Variants in SOBP observed in about 807,000 individuals in gnomAD.
SOBP encodes the protein sine oculis binding protein homolog, also known as sine oculis-binding protein homolog.
A neutral mutation model predicts 53.6 loss-of-function variants in SOBP; 4 were observed. That is an observed-to-expected ratio of 0.07 (90% CI 0.04 to 0.17). The LOEUF (loss-of-function observed/expected upper bound fraction) is 0.17. Ranked by LOEUF, SOBP falls within the 10% of genes least tolerant of loss-of-function variation. The pLI is 1.00. For synonymous variants in SOBP, 584 were observed against 522.6 expected (o/e 1.12, Z -1.60); for missense variants, 1,088 against 1,204.7 (o/e 0.90, Z 1.43).
At chr6:107,543,761 G>A (rs977627804) in intron 4 of SOBP, among the ~76,000 whole-genome samples, 3 of 152,192 alleles carry the variant, frequency 2.0e-5, no homozygotes, top group Non-Finnish European at 4.4e-5. Flanking sequence ...AATCCAAAGT[G>A]GATTGAAAGA....
Position 107,490,563 on chromosome 6 carries a change from A to C in SOBP, c.-54A>C, listed in dbSNP as rs918583334. 1 of 1,344,170 alleles carries C rather than the reference A, an allele frequency of 7.4e-7. No homozygotes were observed. The highest frequency in any genetic ancestry group is 1.0e-6 in the Non-Finnish European group (1 of 965,794). The allele number at this position is 1,344,170 out of a possible 1,614,324, so 83.3% of individuals were successfully genotyped here. On this transcript the variant is annotated 5_prime_UTR_variant, in exon 1 of 7. Coordinates refer to ENST00000317357, the MANE Select transcript of SOBP (RefSeq NM_018013.4). ...CACCGCCGCCGCCGCCGCCACCACC[A>C]CCGCCGGCGGCGGCAGCAGCCATTT...
At chr6:107,566,824 T>C (rs1351586548) in intron 4 of SOBP, among the ~76,000 whole-genome samples, 1 of 152,242 alleles carries the variant, frequency 6.6e-6, no homozygotes, top group Non-Finnish European at 1.5e-5. Flanking sequence ...GTACATCTTC[T>C]TGCAACAGGG....
intron 4 of SOBP, among the ~76,000 whole-genome samples, chr6:107,582,575 C>T (rs1201569308): frequency 6.6e-6 from 1 of 151,600 alleles, no homozygotes; most frequent in Non-Finnish European, 1.5e-5. Context: ...AAAGAAATTT[C>T]CTTAGAATAA....
chr6:107,520,954 A>G (rs1235072939), intron 3 of SOBP, among the ~76,000 whole-genome samples: 3 of 151,690 alleles, frequency 2.0e-5, no homozygotes, highest in African/African-American at 7.3e-5. Flanking sequence ...TCTAAAGCAC[A>G]GCATTGTTAA....
At chr6:107,506,151 A>T in intron 2 of SOBP, 91 bp from the exon 3 acceptor site, 2 of 1,081,996 alleles carry the variant, frequency 1.8e-6, no homozygotes, top group South Asian at 1.3e-5. Flanking sequence ...TGTTGGGTTC[A>T]TGGCCATTTT....
chr6:107,598,905 G>A (rs1786045817), intron 5 of SOBP, among the ~76,000 whole-genome samples: 1 of 152,190 alleles, frequency 6.6e-6, no homozygotes, highest in African/African-American at 2.4e-5. Flanking sequence ...GTCTTAAGTA[G>A]CTAGTTGTGT....
intron 5 of SOBP, chr6:107,621,171 G>A: frequency 1.3e-6 from 1 of 787,792 alleles, no homozygotes; most frequent in Non-Finnish European, 1.5e-6. Context: ...ATAAATAACA[G>A]GTGTGTTTAA....
chr6:107,549,759 C>A (rs1046670817), intron 4 of SOBP, among the ~76,000 whole-genome samples: 11 of 152,172 alleles, frequency 7.2e-5, no homozygotes, highest in African/African-American at 2.7e-4. Flanking sequence ...AATATTTGAT[C>A]AGGGGCAAGT....
Position 107,633,397 on chromosome 6 carries a change from G to C in SOBP, c.670-117G>C, listed in dbSNP as rs1037749560. On this transcript the variant is annotated intron_variant, in intron 5 of 6. Transcript: ENST00000317357. ...TTACCTTTTAGAAGGAAACAGTTCT[G>C]CCTGTTTGAGAAGTGCTGGTAAAGT... 7 of 1,258,774 alleles carry C rather than the reference G, an allele frequency of 5.6e-6. No homozygotes were observed. The African/African-American group carries it at 8.8e-5, about 16-fold the overall frequency. 78.0% of individuals were successfully genotyped at this position (1,258,774 alleles called of 1,614,324 possible). A position where few individuals can be genotyped will look rare whatever the true frequency, so the allele number is the denominator to read the frequency against.
At chr6:107,522,222 G>A (rs1167928033) in intron 3 of SOBP, among the ~76,000 whole-genome samples, 1 of 152,154 alleles carries the variant, frequency 6.6e-6, no homozygotes, top group Non-Finnish European at 1.5e-5. Flanking sequence ...CCTGGTCTTA[G>A]GAGCCATGGA....
intron 6 of SOBP, among the ~76,000 whole-genome samples, chr6:107,642,684 C>T: frequency 6.6e-6 from 1 of 152,216 alleles, no homozygotes; most frequent in East Asian, 1.9e-4. Context: ...GCTGCACCAG[C>T]ACTAGTTGTC....
rs964727466 is a variant in SOBP, at chr6:107,520,124, C to G, written c.422-13335C>G. Among the ~76,000 whole-genome samples, 45 of 152,156 alleles carry G rather than the reference C, an allele frequency of 3.0e-4. 1 individual carries two copies. Among genetic ancestry groups the G allele is most frequent in the Admixed American group, 1.3e-4 (2 of 15,270 alleles). On this transcript the variant is annotated intron_variant, in intron 3 of 6. Coordinates refer to ENST00000317357, the MANE Select transcript of SOBP (RefSeq NM_018013.4). ...AGAAAGGGCCATTTCTAAAATTGTC[C>G]TGTCAGCCAAAGAATTTTCTAATCC...
chr6:107,657,840 CAA>C (rs11317099), intron 6 of SOBP, among the ~76,000 whole-genome samples: 40 of 117,258 alleles, frequency 3.4e-4, no homozygotes, highest in East Asian at 2.0e-3. Flanking sequence ...GACCCTGTCT[CAA>C]AAAAAAAAAA....
At position 107,634,147 on chromosome 6, in the gene SOBP, G is replaced by C. The variant is rs1307021878; in HGVS notation, c.1303G>C (p.Gly435Arg). The change falls in exon 6 of 7, where the codon GGG (glycine) becomes CGG (arginine). Residue 435 changes from glycine to arginine, a missense_variant. This residue lies in a region of SOBP where 211 missense variants were observed against 258.9 expected (regional missense o/e 0.82). Coordinates refer to ENST00000317357, the MANE Select transcript of SOBP (RefSeq NM_018013.4). The surrounding 1 kb of genome is among the most constrained non-coding windows in gnomAD (Gnocchi z 4.5). ...PLSNPMLPGIGPPPGGPRNLG... is the reference protein window; with the variant it reads ...PLSNPMLPGIRPPPGGPRNLG... ...GTCCAACCCCATGCTTCCCGGCATCGGGCCCCCGCCCGGTGGCCCCAGAAA... is the reference window on the plus strand; with the variant it reads ...GTCCAACCCCATGCTTCCCGGCATCCGGCCCCCGCCCGGTGGCCCCAGAAA... 4 of 1,611,232 alleles carry C rather than the reference G, an allele frequency of 2.5e-6. No homozygotes were observed. The highest frequency in any genetic ancestry group is 3.4e-6 in the Non-Finnish European group (4 of 1,179,150).
In SOBP at chr6:107,490,494, A is replaced by G; in HGVS notation, c.-123A>G. On this transcript the variant is annotated 5_prime_UTR_variant, in exon 1 of 7. Transcript: ENST00000317357. ...CCTCGCGGCTCGGTCCGGCCCCGCC[A>G]GCACCGCTACCTCCGCCAGCCTCGC... The G allele has an allele frequency of 4.2e-6, 3 of 715,440 alleles. No homozygotes were observed. Among genetic ancestry groups the G allele is most frequent in the Admixed American group, 2.1e-5 (1 of 46,646 alleles). The allele number at this position is 715,440 out of a possible 1,614,324, so 44.3% of individuals were successfully genotyped here.
intron 6 of SOBP, among the ~76,000 whole-genome samples, chr6:107,641,209 C>G (rs1025287575): frequency 2.0e-5 from 3 of 152,162 alleles, no homozygotes; most frequent in African/African-American, 7.2e-5. Context: ...TTGGCAATTT[C>G]TGCTGTGGGC....
intron 5 of SOBP, among the ~76,000 whole-genome samples, chr6:107,590,242 G>A (rs546004103): frequency 6.6e-6 from 1 of 152,264 alleles, no homozygotes; most frequent in South Asian, 2.1e-4. Context: ...CAGAAATATA[G>A]CATAAGCTGG....
At chr6:107,625,589 A>G (rs551207751) in intron 5 of SOBP, among the ~76,000 whole-genome samples, 1 of 152,360 alleles carries the variant, frequency 6.6e-6, no homozygotes, top group Non-Finnish European at 1.5e-5. Flanking sequence ...CTGGGCCACC[A>G]GCACACAACG....
At chr6:107,544,687 G>A (rs1377612260) in intron 4 of SOBP, among the ~76,000 whole-genome samples, 1 of 152,160 alleles carries the variant, frequency 6.6e-6, no homozygotes, top group Non-Finnish European at 1.5e-5. Context: ...ATTGATATGC[G>A]CTTTCTTTGC....
Sources: gnomAD v4.1 joint callset for allele counts (sites outside exome capture counted in the v4.1 genomes callset) on GRCh38, gnomAD v4.1.1 for gene constraint, gnomAD v4.1.1 regional missense constraint, Gnocchi (gnomAD v3.1) non-coding constraint, MANE v1.5 for transcripts, NCBI Gene and HGNC (gene_info 2026-07-23, HGNC 2026-07-21) for gene names.